NALF1: variants seen among roughly 807,000 people sequenced by gnomAD.
NALF1 encodes the protein NALCN channel auxiliary factor 1.
A neutral mutation model predicts 48.4 loss-of-function variants in NALF1; 3 were observed. The ratio of observed to expected loss-of-function variants is 0.06; its 90% CI spans 0.03 to 0.16. The LOEUF (loss-of-function observed/expected upper bound fraction) is 0.16, where lower values mean the gene tolerates loss of function less well. Ranked by LOEUF, NALF1 falls within the 10% of genes least tolerant of loss-of-function variation. NALF1 has a pLI of 1.00. For missense variants in NALF1, 526 were observed against 571.5 expected (o/e 0.92, Z 0.81); for synonymous variants, 262 against 245.7 (o/e 1.07, Z -0.62).
chr13:107,549,984 T>G (rs141645465), intron 1 of NALF1, among the ~76,000 whole-genome samples: 1 of 152,136 alleles, frequency 6.6e-6, no homozygotes, highest in African/African-American at 2.4e-5. Flanking sequence ...TTAAGAAAGA[T>G]AGACCATTAA....
intron 1 of NALF1, among the ~76,000 whole-genome samples, chr13:107,396,887 T>G (rs761597374): frequency 5.9e-5 from 9 of 152,228 alleles, no homozygotes; most frequent in South Asian, 2.1e-4. Context: ...CTTGGCTGAT[T>G]AGTATTAATC....
At position 107,845,853 on chromosome 13, in the gene NALF1, A is replaced by C. The variant is rs537452703; in HGVS notation, c.915+19829T>G. 1.4e-4 allele frequency among the ~76,000 whole-genome samples: 21 copies of C among 152,202 alleles called. 1 individual carries two copies. The highest frequency in any genetic ancestry group is 2.5e-4 in the Non-Finnish European group (17 of 68,032). ...CTACCCAAAAGAATGCCACTACTAA[A>C]GAATTATTTGTAACTCTTTCCTGAG... is the stretch of plus-strand genomic sequence containing the variant. On this transcript the variant is annotated intron_variant, in intron 1 of 2. Transcript: ENST00000375915.
At chr13:107,740,359 G>A (rs919545368) in intron 1 of NALF1, among the ~76,000 whole-genome samples, 6 of 152,270 alleles carry the variant, frequency 3.9e-5, no homozygotes, top group Non-Finnish European at 7.4e-5. Context: ...AAGAGATACA[G>A]TCTGTGAGGC....
At chr13:107,544,446 C>T (rs1348789002) in intron 1 of NALF1, among the ~76,000 whole-genome samples, 2 of 152,022 alleles carry the variant, frequency 1.3e-5, no homozygotes, top group Non-Finnish European at 2.9e-5. Context: ...CAATTTTGCC[C>T]AACTCTTTCA....
intron 1 of NALF1, among the ~76,000 whole-genome samples, chr13:107,602,546 A>T (rs1878959298): frequency 1.3e-5 from 2 of 152,348 alleles, no homozygotes; most frequent in South Asian, 4.1e-4. Flanking sequence ...ATAATCAATA[A>T]TGCAGGTATT....
At chr13:107,787,158 C>T (rs931547696) in intron 1 of NALF1, among the ~76,000 whole-genome samples, 8 of 152,076 alleles carry the variant, frequency 5.3e-5, no homozygotes, top group African/African-American at 1.7e-4. Context: ...ACTATCATCA[C>T]TATTCATTAC....
intron 1 of NALF1, among the ~76,000 whole-genome samples, chr13:107,795,316 C>A (rs1043548317): frequency 4.6e-5 from 7 of 152,098 alleles, no homozygotes; most frequent in Non-Finnish European, 7.4e-5. Context: ...GGGGGGAAAG[C>A]CACTGATCTG....
At chr13:107,334,726 A>C (rs1882525607) in intron 1 of NALF1, among the ~76,000 whole-genome samples, 1 of 152,218 alleles carries the variant, frequency 6.6e-6, no homozygotes, top group South Asian at 2.1e-4. Context: ...TTTTTTAAAA[A>C]ACGTTTTAAA....
chr13:107,578,004 A>C (rs768208246), intron 1 of NALF1, among the ~76,000 whole-genome samples: 1 of 152,152 alleles, frequency 6.6e-6, no homozygotes, highest in Non-Finnish European at 1.5e-5. Context: ...ATTCATCTAA[A>C]AGTATCTCCT....
intron 1 of NALF1, among the ~76,000 whole-genome samples, chr13:107,212,787 G>C (rs577413648): frequency 2.0e-5 from 3 of 152,314 alleles, no homozygotes; most frequent in Admixed American, 2.0e-4. Context: ...AGAGGAAGCA[G>C]GATAGGCTTA....
chr13:107,457,561 T>C (rs928696812), intron 1 of NALF1, among the ~76,000 whole-genome samples: 6 of 152,222 alleles, frequency 3.9e-5, no homozygotes, highest in South Asian at 2.1e-4. Flanking sequence ...TTTCAGATGA[T>C]GCTTAAGGTT....
chr13:107,585,275 T>C (rs1047490984), intron 1 of NALF1, among the ~76,000 whole-genome samples: 4 of 151,830 alleles, frequency 2.6e-5, no homozygotes, highest in Non-Finnish European at 5.9e-5. Context: ...ATCACACTTT[T>C]AACCAACCAA....
chr13:107,221,930 C>T (rs1880002622), intron 1 of NALF1, among the ~76,000 whole-genome samples: 1 of 152,298 alleles, frequency 6.6e-6, no homozygotes, highest in Non-Finnish European at 1.5e-5. Flanking sequence ...GGGATTCAAA[C>T]ATGTTCTATG....
intron 1 of NALF1, among the ~76,000 whole-genome samples, chr13:107,327,439 C>A (rs1334936945): frequency 6.6e-6 from 1 of 152,166 alleles, no homozygotes; most frequent in Non-Finnish European, 1.5e-5. Context: ...GTTCCTGTGG[C>A]CAAACCATTC....
chr13:107,704,669 C>T (rs1881905178), intron 1 of NALF1, among the ~76,000 whole-genome samples: 1 of 152,100 alleles, frequency 6.6e-6, no homozygotes, highest in Admixed American at 6.6e-5. Context: ...TAATCTCCAG[C>T]TTTTGGAACT....
At chr13:107,508,567 A>G (rs1267385453) in intron 1 of NALF1, among the ~76,000 whole-genome samples, 1 of 152,128 alleles carries the variant, frequency 6.6e-6, no homozygotes, top group Admixed American at 6.6e-5. Context: ...TTTCATTTTC[A>G]TCCAGGAAAT....
Position 107,644,752 on chromosome 13 carries a change from T to C in NALF1, c.915+220930A>G, listed in dbSNP as rs111363504. ...TCTAAAACATGGTCTTAAACATATT[T>C]TTAAGTGTTAATGTTTAAAGTAACT... is the stretch of plus-strand genomic sequence containing the variant. On this transcript the variant is annotated intron_variant, in intron 1 of 2. Coordinates refer to ENST00000375915, the MANE Select transcript of NALF1 (RefSeq NM_001080396.3). Among the ~76,000 whole-genome samples, 233 of 150,972 alleles carry C rather than the reference T, an allele frequency of 1.5e-3. 2 individuals carry two copies. The highest frequency in any genetic ancestry group is 5.2e-3 in the African/African-American group (214 of 41,222).
At chr13:107,452,627 A>C (rs1393110942) in intron 1 of NALF1, among the ~76,000 whole-genome samples, 1 of 152,154 alleles carries the variant, frequency 6.6e-6, no homozygotes, top group East Asian at 1.9e-4. Context: ...GCCTAACCAC[A>C]TAATTCTGCC....
intron 1 of NALF1, among the ~76,000 whole-genome samples, chr13:107,767,963 C>T (rs1156440987): frequency 6.6e-6 from 1 of 152,114 alleles, no homozygotes; most frequent in Non-Finnish European, 1.5e-5. Context: ...CCGGAATGAT[C>T]CCCGGGCAGT....
Sources: allele counts gnomAD v4.1 joint callset (sites outside exome capture counted in the v4.1 genomes callset), GRCh38; gene constraint gnomAD v4.1.1; transcripts MANE v1.5; gene names NCBI Gene and HGNC (gene_info 2026-07-23, HGNC 2026-07-21).